Variants in BCL7A observed in about 807,000 individuals in gnomAD.
BCL7A encodes the protein B-cell CLL/lymphoma 7 protein family member A.
Under a neutral mutation model 28.4 loss-of-function variants are expected in BCL7A, and 11 were observed. The ratio of observed to expected loss-of-function variants is 0.39; its 90% CI spans 0.24 to 0.64. The LOEUF is 0.64. Ranked by LOEUF, BCL7A falls within the 30% of genes least tolerant of loss-of-function variation. The probability of loss-of-function intolerance (pLI) is 0.50; values close to 1 mark genes in which losing one functional copy is unlikely to be tolerated. For synonymous variants in BCL7A, 123 were observed against 103.3 expected, an observed-to-expected ratio of 1.19 and a Z score of -1.15; for missense variants, 222 against 274.8, an observed-to-expected ratio of 0.81 and a Z score of 1.36.
intron 4 of BCL7A, chr12:122,044,414 G>A (rs539876815): frequency 3.2e-4 from 65 of 200,308 alleles, no homozygotes; most frequent in Admixed American, 4.1e-4. Context: ...GGCCGAGGTC[G>A]GAGGATCACT....
intron 1 of BCL7A, among the ~76,000 whole-genome samples, chr12:122,027,817 A>G (rs370952390): frequency 2.2e-3 from 312 of 140,940 alleles, no homozygotes; most frequent in African/African-American, 7.8e-3. Context: ...AGCCTGGGCC[A>G]CAGAGCAGGA....
chr12:122,031,953 C>T (rs538508962), intron 2 of BCL7A, among the ~76,000 whole-genome samples: 2 of 152,342 alleles, frequency 1.3e-5, no homozygotes, highest in South Asian at 2.1e-4. Context: ...GCCATTCCCC[C>T]CTGCCTGGAC....
At chr12:122,049,057 TATAC>T (rs1197029232) in intron 4 of BCL7A, among the ~76,000 whole-genome samples, 6 of 97,294 alleles carry the variant, frequency 6.2e-5, no homozygotes, top group African/African-American at 2.5e-4. Flanking sequence ...TATATATACA[TATAC>T]ACACACACAA....
chr12:122,058,975 T>G (rs1202693305), intron 5 of BCL7A, 117 bp from the exon 6 acceptor site: 5 of 826,660 alleles, frequency 6.0e-6, no homozygotes, highest in Non-Finnish European at 9.9e-6. Flanking sequence ...ACTGCTGGTC[T>G]GAACCACAAA....
intron 4 of BCL7A, among the ~76,000 whole-genome samples, chr12:122,054,584 G>T (rs1469736679): frequency 6.6e-6 from 1 of 152,150 alleles, no homozygotes; most frequent in African/African-American, 2.4e-5. Flanking sequence ...GCAGGAGAGG[G>T]TTGCAGACGC....
intron 4 of BCL7A, among the ~76,000 whole-genome samples, chr12:122,047,451 G>A (rs1020613002): frequency 3.0e-4 from 45 of 152,034 alleles, no homozygotes; most frequent in African/African-American, 9.9e-4. Context: ...GTGAACTCGG[G>A]AGGCGGAGCT....
chr12:122,023,823 G>C (rs1883539874), intron 1 of BCL7A, among the ~76,000 whole-genome samples: 1 of 152,320 alleles, frequency 6.6e-6, no homozygotes, highest in African/African-American at 2.4e-5. Flanking sequence ...GAAGCCCGGA[G>C]TTGCTCCCCT....
Position 122,021,916 on chromosome 12 carries a change from TTG to T in BCL7A, c.-164_-163del, listed in dbSNP as rs72047889. ...GCCAGGCGCGCGGCGGCCCCGGGCT[TTG>T]TGTGTGTGTGTATGTGTGTGTGTGT... is the stretch of plus-strand genomic sequence containing the variant. On this transcript the variant is annotated 5_prime_UTR_variant, in exon 1 of 6. Coordinates refer to ENST00000261822, the MANE Select transcript of BCL7A (RefSeq NM_001024808.3). The T allele has an allele frequency of 0.088, 30,187 of 344,392 alleles. 1,094 individuals carry two copies. Among genetic ancestry groups the T allele is most frequent in the Non-Finnish European group, 0.11 (19,870 of 186,928 alleles). The allele number at this position is 344,392 out of a possible 1,614,324, so 21.3% of individuals were successfully genotyped here. A position where few individuals can be genotyped will look rare whatever the true frequency, so the allele number is the denominator to read the frequency against.
At chr12:122,058,785 A>C (rs1370850018) in intron 5 of BCL7A, among the ~76,000 whole-genome samples, 1 of 152,160 alleles carries the variant, frequency 6.6e-6, no homozygotes, top group Non-Finnish European at 1.5e-5. Context: ...GAGTGGGGAG[A>C]GCCTAGGGTC....
At chr12:122,052,969 C>T (rs2135859140) in intron 4 of BCL7A, among the ~76,000 whole-genome samples, 1 of 149,218 alleles carries the variant, frequency 6.7e-6, no homozygotes, top group East Asian at 2.0e-4. Flanking sequence ...GGATTACAGG[C>T]GTGAGCCACC....
intron 4 of BCL7A, among the ~76,000 whole-genome samples, chr12:122,047,472 C>T (rs968634090): frequency 5.3e-5 from 8 of 151,668 alleles, no homozygotes; most frequent in Non-Finnish European, 8.8e-5. Context: ...TGTGTTGAGC[C>T]GAGATCGCAC....
Position 122,060,236 on chromosome 12 carries a change from C to G in BCL7A, c.*1073C>G, listed in dbSNP as rs1046957414. ...AGCCTGTGCCCCGGAGAGGCAGGATCGCAGTGGTCAGAATCCACGTGCTTT... is the reference window on the plus strand; with the variant it reads ...AGCCTGTGCCCCGGAGAGGCAGGATGGCAGTGGTCAGAATCCACGTGCTTT... On this transcript the variant is annotated 3_prime_UTR_variant, in exon 6 of 6. Coordinates refer to ENST00000261822, the MANE Select transcript of BCL7A (RefSeq NM_001024808.3). 8.6e-6 allele frequency: 2 copies of G among 233,056 alleles called. No homozygotes were observed. Among genetic ancestry groups the G allele is most frequent in the Non-Finnish European group, 1.7e-5 (2 of 117,658 alleles). 14.4% of individuals were successfully genotyped at this position (233,056 alleles called of 1,614,324 possible). A position where few individuals can be genotyped will look rare whatever the true frequency, so the allele number is the denominator to read the frequency against.
chr12:122,023,696 A>C (rs1426453251), intron 1 of BCL7A, among the ~76,000 whole-genome samples: 1 of 152,168 alleles, frequency 6.6e-6, no homozygotes, highest in African/African-American at 2.4e-5. Flanking sequence ...CTCCCCTGGT[A>C]CACAGGGTGC....
At chr12:122,031,775 G>A (rs1465325772) in intron 2 of BCL7A, among the ~76,000 whole-genome samples, 4 of 152,130 alleles carry the variant, frequency 2.6e-5, no homozygotes, top group Admixed American at 6.5e-5. Context: ...GCGCCATCCC[G>A]ACTTCCACCA....
rs75771185 is a variant in BCL7A at position 122,035,004 on chromosome 12, AG to A, written c.175-325del. 1.9e-3 allele frequency among the ~76,000 whole-genome samples: 291 copies of A among 152,272 alleles called. 10 individuals carry two copies. In the East Asian group the frequency reaches 0.052, roughly 27 times the overall value. On this transcript the variant is annotated intron_variant, in intron 2 of 5. Coordinates refer to ENST00000261822, the MANE Select transcript of BCL7A (RefSeq NM_001024808.3). ...CTTCCCCAGATACTCTCCCTAAAAG[AG>A]GAGGCAGGTCCTGCCAGCCAGGGTG... is the stretch of plus-strand genomic sequence containing the variant.
chr12:122,047,688 G>A (rs1884105564), intron 4 of BCL7A, among the ~76,000 whole-genome samples: 1 of 151,798 alleles, frequency 6.6e-6, no homozygotes, highest in South Asian at 2.1e-4. Context: ...CCATGCCCTG[G>A]TAATGTTTAT....
At chr12:122,058,623 C>T (rs1951894784) in intron 5 of BCL7A, among the ~76,000 whole-genome samples, 2 of 152,178 alleles carry the variant, frequency 1.3e-5, no homozygotes, top group Admixed American at 1.3e-4. Context: ...TGCCCCACTG[C>T]ACTCCAGCCT....
chr12:122,025,376 A>T (rs1883600614), intron 1 of BCL7A, among the ~76,000 whole-genome samples: 1 of 152,128 alleles, frequency 6.6e-6, no homozygotes, highest in African/African-American at 2.4e-5. Flanking sequence ...CTGTAATTTC[A>T]GCACTCTGGG....
chr12:122,029,973 T>G lies in BCL7A; in HGVS notation c.93-727T>G, dbSNP rs1459729288. ...TGGCTTGTAAGTTTCTCCTCATCCATAAACCTGCCTCTCACAGTGGGGGGT... is the reference window on the plus strand; with the variant it reads ...TGGCTTGTAAGTTTCTCCTCATCCAGAAACCTGCCTCTCACAGTGGGGGGT... On this transcript the variant is annotated intron_variant, in intron 1 of 5. Transcript: ENST00000261822. This position sits in a 1 kb window ranked among gnomAD's most constrained non-coding sequence, Gnocchi z 4.3. 2.6e-5 allele frequency among the ~76,000 whole-genome samples: 4 copies of G among 152,092 alleles called. No homozygotes were observed. Among genetic ancestry groups the G allele is most frequent in the Non-Finnish European group, 5.9e-5 (4 of 67,984 alleles).
Sources: allele counts gnomAD v4.1 joint callset (sites outside exome capture counted in the v4.1 genomes callset), GRCh38; gene constraint gnomAD v4.1.1; non-coding constraint Gnocchi (gnomAD v3.1); transcripts MANE v1.5; gene names NCBI Gene and HGNC (gene_info 2026-07-23, HGNC 2026-07-21).